Variants in KPNA7 observed in about 807,000 individuals in gnomAD.
KPNA7 encodes the protein karyopherin subunit alpha 7.
A neutral mutation model predicts 53.7 loss-of-function variants in KPNA7; 54 were observed. The ratio of observed to expected loss-of-function variants is 1.01; its 90% CI spans 0.81 to 1.26. The LOEUF (loss-of-function observed/expected upper bound fraction) is 1.26. Among genes scored for constraint, KPNA7 ranks in the 50% most tolerant of loss-of-function variants. The pLI is 0.00. For missense variants in KPNA7, 640 were observed against 644.5 expected (o/e 0.99, Z 0.07); for synonymous variants, 276 against 259.3 (o/e 1.06, Z -0.62).
chr7:99,192,979 TAA>T, intron 6 of KPNA7, 38 bp downstream of exon 6: 1 of 1,354,020 alleles, frequency 7.4e-7, no homozygotes, highest in Non-Finnish European at 1.0e-6. Flanking sequence ...TTTAAAATTT[TAA>T]TTTAAAAAAA....
chr7:99,208,767 A>T (rs1019452399), upstream of KPNA7, among the ~76,000 whole-genome samples: 2 of 152,196 alleles, frequency 1.3e-5, no homozygotes, highest in African/African-American at 4.8e-5. Context: ...AAGACCACCA[A>T]TGCTGGGCAT....
rs1370513144 is a variant in KPNA7, at chr7:99,193,025, G to A, written c.630C>T (p.Thr210=). The change falls in exon 6 of 11, where the codon ACC becomes ACT. Residue 210 remains threonine (T), a synonymous_variant. Coordinates refer to ENST00000327442, the MANE Select transcript of KPNA7 (RefSeq NM_001145715.3). ...GAAAGAAAAAGACACTTACCGGCAG[G>A]GTGGGTGAAATCAAGGCTAGGAGAT... ...IPHLLALISP[T]LPITFLRNIT... is the part of the protein sequence containing the mutation. 3.3e-6 allele frequency: 5 copies of A among 1,500,326 alleles called. No individual in the cohort carries two copies. Among genetic ancestry groups the A allele is most frequent in the Non-Finnish European group, 4.4e-6 (5 of 1,127,484 alleles). 92.9% of individuals were successfully genotyped at this position (1,500,326 alleles called of 1,614,324 possible).
chr7:99,191,575 A>G (rs1009113974), intron 6 of KPNA7, among the ~76,000 whole-genome samples: 3 of 152,062 alleles, frequency 2.0e-5, no homozygotes, highest in African/African-American at 4.8e-5. Context: ...CCTGCTTGCC[A>G]TCTTAAGTGT....
chr7:99,195,342 T>G lies in KPNA7; in HGVS notation c.285-4A>C, dbSNP rs1375632917. On this transcript the variant is annotated splice_polypyrimidine_tract_variant and splice_region_variant and intron_variant, in intron 4 of 10. Transcript: ENST00000327442. Reference sequence around the variant, plus strand: ...CTTTTCCTGGGATAGCATTTTCCTATGCAATGAAAGAGAGGGCAGGGGAGG... The same window carrying G: ...CTTTTCCTGGGATAGCATTTTCCTAGGCAATGAAAGAGAGGGCAGGGGAGG... 2 of 1,550,280 alleles carry G rather than the reference T, an allele frequency of 1.3e-6. No homozygotes were observed. Among genetic ancestry groups the G allele is most frequent in the Non-Finnish European group, 1.7e-6 (2 of 1,146,118 alleles).
the KPNA7 span, among the ~76,000 whole-genome samples, chr7:99,156,446 G>C: frequency 6.6e-6 from 1 of 151,872 alleles, no homozygotes; most frequent in African/African-American, 2.4e-5. Context: ...TTGAATCCAG[G>C]GATTGATCTT....
At chr7:99,170,336 A>G (rs934189674), downstream of KPNA7, among the ~76,000 whole-genome samples, 2 of 152,214 alleles carry the variant, frequency 1.3e-5, no homozygotes, top group Non-Finnish European at 2.9e-5. Flanking sequence ...CTGTGAAAAC[A>G]AAGTGTCTCG....
At chr7:99,183,694 C>G (rs1033543344) in intron 8 of KPNA7, among the ~76,000 whole-genome samples, 5 of 152,110 alleles carry the variant, frequency 3.3e-5, no homozygotes, top group African/African-American at 1.2e-4. Context: ...CCATGAGACT[C>G]CACCTGCCTC....
intron 9 of KPNA7, among the ~76,000 whole-genome samples, chr7:99,180,302 G>GAAC (rs1030915092): frequency 6.6e-6 from 1 of 152,152 alleles, no homozygotes; most frequent in African/African-American, 2.4e-5. Context: ...AGGAGTTAGA[G>GAAC]AACAGCCTGG....
chr7:99,182,537 G>C (rs1297924626), intron 8 of KPNA7, among the ~76,000 whole-genome samples: 1 of 152,070 alleles, frequency 6.6e-6, no homozygotes, highest in African/African-American at 2.4e-5. Context: ...GTTTCACCAT[G>C]TTGGCCAGGC....
At chr7:99,215,986 A>G (rs545937178) in intron 1 of KPNA7, among the ~76,000 whole-genome samples, 183 of 151,962 alleles carry the variant, frequency 1.2e-3, no homozygotes, top group African/African-American at 4.0e-3. Context: ...AAAAAAAAAA[A>G]AAAAAGAAAA....
At chr7:99,200,836 T>C (rs187394649) in intron 3 of KPNA7, among the ~76,000 whole-genome samples, 2 of 152,186 alleles carry the variant, frequency 1.3e-5, no homozygotes, top group East Asian at 3.9e-4. Context: ...TAGCAGGTGA[T>C]GCATGCCTGT....
At chr7:99,207,613 C>CTTTTTTTTTTTTTTTTTTTTT (rs754881370) in intron 1 of KPNA7, 124 bp from the exon 2 acceptor site, 1 of 118,210 alleles carries the variant, frequency 8.5e-6, no homozygotes, top group Admixed American at 1.3e-4. Flanking sequence ...AGGAAGCTAG[C>CTTTTTTTTTTTTTTTTTTTTT]TTTTTTTTTT....
the KPNA7 span, among the ~76,000 whole-genome samples, chr7:99,159,272 C>T: frequency 6.6e-6 from 1 of 150,590 alleles, no homozygotes; most frequent in Admixed American, 6.7e-5. Context: ...TCCTTGAGCC[C>T]CAGGAGTTCA....
At chr7:99,159,348 C>CAAAAAA in the KPNA7 span, among the ~76,000 whole-genome samples, 2 of 58,150 alleles carry the variant, frequency 3.4e-5, no homozygotes, top group African/African-American at 1.2e-4. Context: ...GACACTGTCT[C>CAAAAAA]AAAAAAAAAA....
chr7:99,192,849 C>A (rs745712363), intron 6 of KPNA7, among the ~76,000 whole-genome samples, 170 bp downstream of exon 6: 4 of 152,056 alleles, frequency 2.6e-5, no homozygotes, highest in Non-Finnish European at 4.4e-5. Flanking sequence ...ATCCACTTGG[C>A]CTGGTACTGT....
chr7:99,195,002 C>A, intron 5 of KPNA7, 68 bp downstream of exon 5: 5 of 1,494,590 alleles, frequency 3.3e-6, no homozygotes, highest in Non-Finnish European at 3.6e-6. Flanking sequence ...CCCCACCACC[C>A]AAAGAAACCT....
chr7:99,173,573 G>A lies in KPNA7; in HGVS notation c.*135C>T. 1 of 585,672 alleles carries A rather than the reference G, an allele frequency of 1.7e-6. No homozygotes were observed. The highest frequency in any genetic ancestry group is 3.0e-6 in the Non-Finnish European group (1 of 330,656). 36.3% of individuals were successfully genotyped at this position (585,672 alleles called of 1,614,324 possible). The stretch of plus-strand genomic sequence containing the variant: ...ATCTGAAGTTCAGATAGAGAAACGT[G>A]AAAGTGTTGAACATTTTATTAATGT... On this transcript the variant is annotated 3_prime_UTR_variant, in exon 11 of 11. Coordinates refer to ENST00000327442, the MANE Select transcript of KPNA7 (RefSeq NM_001145715.3).
chr7:99,217,014 C>A (rs1791235865), intron 1 of KPNA7, among the ~76,000 whole-genome samples: 1 of 152,148 alleles, frequency 6.6e-6, no homozygotes, highest in East Asian at 1.9e-4. Context: ...TTCCTGTGAG[C>A]AACTTTCATG....
At chr7:99,175,814 G>C (rs1444590485) in intron 10 of KPNA7, among the ~76,000 whole-genome samples, 2 of 151,846 alleles carry the variant, frequency 1.3e-5, no homozygotes, top group Non-Finnish European at 2.9e-5. Context: ...TCCCAGCCGA[G>C]AGCATCATCT....
Sources: allele counts gnomAD v4.1 joint callset (sites outside exome capture counted in the v4.1 genomes callset), GRCh38; gene constraint gnomAD v4.1.1; transcripts MANE v1.5; gene names NCBI Gene and HGNC (gene_info 2026-07-23, HGNC 2026-07-21).